The following NRG1 variants were observed in gnomAD, a reference collection of about 807,000 sequenced individuals.
The protein encoded by NRG1 is neuregulin 1.
A neutral mutation model predicts 63.8 loss-of-function variants in NRG1; 18 were observed. The ratio of observed to expected loss-of-function variants is 0.28; its 90% CI spans 0.19 to 0.42. The LOEUF (loss-of-function observed/expected upper bound fraction) is 0.42, where lower values mean the gene tolerates loss of function less well. Ranked by LOEUF, NRG1 falls within the 10% of genes least tolerant of loss-of-function variation. The pLI, the probability that NRG1 is intolerant of heterozygous loss-of-function variation, is 1.00. For missense variants in NRG1, 762 were observed against 814.7 expected (o/e 0.94, Z 0.79); for synonymous variants, 302 against 301.3 (o/e 1.00, Z -0.02).
At chr8:32,772,988 C>G (rs961420031) in intron 7 of NRG1, among the ~76,000 whole-genome samples, 2 of 152,074 alleles carry the variant, frequency 1.3e-5, no homozygotes, top group Non-Finnish European at 2.9e-5. Flanking sequence ...CAAAGGCCTC[C>G]TTTAGTACCT....
chr8:32,267,617 T>C (rs1171633303), intron 1 of NRG1, among the ~76,000 whole-genome samples: 1 of 152,198 alleles, frequency 6.6e-6, no homozygotes, highest in Non-Finnish European at 1.5e-5. Flanking sequence ...CCATGAGCAG[T>C]CAATAATTCC....
chr8:32,055,134 C>T (rs921845515), intron 1 of NRG1, among the ~76,000 whole-genome samples: 1 of 151,906 alleles, frequency 6.6e-6, no homozygotes, highest in Non-Finnish European at 1.5e-5. Context: ...AGGTGATCCG[C>T]CTGCCTTGGC....
chr8:32,498,103 G>A (rs1827432442), intron 1 of NRG1, among the ~76,000 whole-genome samples: 2 of 152,156 alleles, frequency 1.3e-5, no homozygotes, highest in East Asian at 1.9e-4. Context: ...GATTACAGGT[G>A]TGAGCCACTG....
chr8:31,697,886 C>T (rs1232417713), intron 1 of NRG1, among the ~76,000 whole-genome samples: 2 of 145,164 alleles, frequency 1.4e-5, no homozygotes, highest in Non-Finnish European at 3.0e-5. Flanking sequence ...TTCTCTTTCT[C>T]TCTTTCTTTC....
intron 1 of NRG1, among the ~76,000 whole-genome samples, chr8:32,434,362 A>G (rs934462147): frequency 1.3e-5 from 2 of 152,164 alleles, no homozygotes; most frequent in African/African-American, 2.4e-5. Flanking sequence ...GCCTTTTAAT[A>G]CTAACAATGC....
intron 5 of NRG1, among the ~76,000 whole-genome samples, chr8:32,693,601 G>C (rs1812466280): frequency 1.3e-5 from 2 of 149,638 alleles, no homozygotes; most frequent in Admixed American, 1.3e-4. Context: ...AAAAGGCCCT[G>C]GCATGTAGAG....
chr8:31,736,567 A>G (rs1288113909), intron 1 of NRG1, among the ~76,000 whole-genome samples: 1 of 152,128 alleles, frequency 6.6e-6, no homozygotes, highest in African/African-American at 2.4e-5. Flanking sequence ...AACAAAACCA[A>G]GAAAAAAAAA....
intron 1 of NRG1, among the ~76,000 whole-genome samples, chr8:31,727,374 C>T (rs960023788): frequency 1.3e-5 from 2 of 152,190 alleles, no homozygotes; most frequent in Non-Finnish European, 1.5e-5. Context: ...TCTTCCCCTT[C>T]ACAGATGTTT....
chr8:31,694,631 G>T (rs967239240), intron 1 of NRG1, among the ~76,000 whole-genome samples: 1 of 152,122 alleles, frequency 6.6e-6, no homozygotes, highest in Admixed American at 6.5e-5. Flanking sequence ...GGCTATGTAG[G>T]CTTTTATGAC....
At chr8:32,180,955 CTA>C (rs1232942424) in intron 1 of NRG1, among the ~76,000 whole-genome samples, 1 of 152,152 alleles carries the variant, frequency 6.6e-6, no homozygotes, top group Non-Finnish European at 1.5e-5. Flanking sequence ...TTCTCTGCTT[CTA>C]TGAGTTCAAC....
chr8:32,549,188 G>C (rs879750012), intron 1 of NRG1, among the ~76,000 whole-genome samples: 1 of 152,216 alleles, frequency 6.6e-6, no homozygotes, highest in Admixed American at 6.5e-5. Context: ...GCGTGCGCGC[G>C]TGCCCCGCGC....
At chr8:32,487,629 G>GT (rs1826062092) in intron 1 of NRG1, among the ~76,000 whole-genome samples, 1 of 152,182 alleles carries the variant, frequency 6.6e-6, no homozygotes, top group African/African-American at 2.4e-5. Context: ...GATTGCTTGA[G>GT]ACCGCATCTG....
chr8:31,975,091 A>G (rs1807940812), intron 1 of NRG1, among the ~76,000 whole-genome samples: 2 of 152,192 alleles, frequency 1.3e-5, no homozygotes, highest in Non-Finnish European at 2.9e-5. Flanking sequence ...CATGCAAATA[A>G]TTATAATAGT....
intron 1 of NRG1, among the ~76,000 whole-genome samples, chr8:31,870,515 T>C (rs1215987351): frequency 6.6e-6 from 1 of 152,064 alleles, no homozygotes; most frequent in Non-Finnish European, 1.5e-5. Flanking sequence ...GTGAAATGAG[T>C]GGAAGAATAC....
At chr8:31,870,089 T>C (rs1405052488) in intron 1 of NRG1, among the ~76,000 whole-genome samples, 1 of 152,210 alleles carries the variant, frequency 6.6e-6, no homozygotes, top group African/African-American at 2.4e-5. Context: ...GTTTAGGTTT[T>C]TCTTTAAGTT....
chr8:31,744,256 A>C (rs1002801086), intron 1 of NRG1, among the ~76,000 whole-genome samples: 2 of 152,022 alleles, frequency 1.3e-5, no homozygotes, highest in African/African-American at 4.8e-5. Context: ...GAGATCCTCT[A>C]TCTGTAGTCC....
At chr8:31,770,076 TG>T (rs2131563886) in intron 1 of NRG1, among the ~76,000 whole-genome samples, 1 of 151,838 alleles carries the variant, frequency 6.6e-6, no homozygotes, top group African/African-American at 2.4e-5. Context: ...AAATATAGAG[TG>T]GAAAACATGA....
intron 1 of NRG1, among the ~76,000 whole-genome samples, chr8:31,823,547 G>C (rs1003806970): frequency 6.6e-6 from 1 of 152,124 alleles, no homozygotes; most frequent in East Asian, 1.9e-4. Flanking sequence ...ATCTGGTCAG[G>C]TCAGTTCAAT....
rs572100850 is a variant in NRG1 at position 31,878,275 on chromosome 8, T to C, written c.37+238844T>C. 5.3e-5 allele frequency among the ~76,000 whole-genome samples: 8 copies of C among 152,328 alleles called. No individual in the cohort carries two copies. In the South Asian group the frequency reaches 1.7e-3, roughly 32 times the overall value. On this transcript the variant is annotated intron_variant, in intron 1 of 10. Coordinates refer to the NRG1 transcript ENST00000519301. ...TCTGAATTAATAACCTTACATCTTT[T>C]TTATGATATACTTGGGACATTATAT...
Sources: allele counts gnomAD v4.1 joint callset (sites outside exome capture counted in the v4.1 genomes callset), GRCh38; gene constraint gnomAD v4.1.1; transcripts MANE v1.5; gene names NCBI Gene and HGNC (gene_info 2026-07-23, HGNC 2026-07-21).